Variants in PCSK5 observed in about 807,000 individuals in gnomAD.
PCSK5 encodes prohormone convertase 5.
Under a neutral mutation model 233.2 loss-of-function variants are expected in PCSK5, and 129 were observed. That is an observed-to-expected ratio of 0.55 (90% CI 0.48 to 0.64). The LOEUF (loss-of-function observed/expected upper bound fraction) is 0.64, where lower values mean the gene tolerates loss of function less well. PCSK5 is among the 30% of genes least tolerant of loss of function. PCSK5 has a pLI of 0.00. For missense variants in PCSK5, 2,076 were observed against 2,430.1 expected (o/e 0.85, Z 3.06); for synonymous variants, 825 against 879.2 (o/e 0.94, Z 1.09).
chr9:76,316,942 T>C (rs1829050354), intron 30 of PCSK5, among the ~76,000 whole-genome samples: 1 of 152,080 alleles, frequency 6.6e-6, no homozygotes, highest in Admixed American at 6.6e-5. Flanking sequence ...TTCTCTGTCA[T>C]GGTCAAAAAA....
At chr9:76,351,447 G>GAAAGGAAAGAAAGAAAGAAAGAAA (rs1491332963) in intron 36 of PCSK5, among the ~76,000 whole-genome samples, 8 of 27,472 alleles carry the variant, frequency 2.9e-4, no homozygotes, top group African/African-American at 8.7e-4. Context: ...GTGAAAGAAA[G>GAAAGGAAAGAAAGAAAGAAAGAAA]GAAAGAAAGA....
intron 33 of PCSK5, 127 bp downstream of exon 33, chr9:76,328,366 C>A: frequency 1.4e-6 from 1 of 691,310 alleles, no homozygotes; most frequent in Non-Finnish European, 2.5e-6. Flanking sequence ...GGGAAATGTT[C>A]AAACCTGCAG....
chr9:76,332,661 A>G (rs561300289), intron 34 of PCSK5, 51 bp downstream of exon 34: 7 of 1,307,876 alleles, frequency 5.4e-6, no homozygotes, highest in Middle Eastern at 3.7e-4. Context: ...CACAGCAGAT[A>G]TCAACCCATT....
intron 10 of PCSK5, among the ~76,000 whole-genome samples, chr9:76,149,422 C>A (rs1433127105): frequency 6.6e-6 from 1 of 152,122 alleles, no homozygotes; most frequent in Non-Finnish European, 1.5e-5. Flanking sequence ...ATTCTCTATT[C>A]CCTTATCTTA....
chr9:75,965,068 A>G (rs1202397744), intron 2 of PCSK5, among the ~76,000 whole-genome samples: 1 of 152,164 alleles, frequency 6.6e-6, no homozygotes, highest in Non-Finnish European at 1.5e-5. Context: ...TGCTTGTCAA[A>G]TGAAGGGTTT....
At chr9:76,309,190 C>A (rs868591390) in intron 29 of PCSK5, among the ~76,000 whole-genome samples, 3 of 152,116 alleles carry the variant, frequency 2.0e-5, no homozygotes, top group South Asian at 2.1e-4. Flanking sequence ...TGCACTCCAG[C>A]CTGGGTGACA....
chr9:76,271,697 G>A (rs1827518085), intron 24 of PCSK5, among the ~76,000 whole-genome samples: 1 of 152,108 alleles, frequency 6.6e-6, no homozygotes, highest in African/African-American at 2.4e-5. Context: ...AAAATGGATG[G>A]CTTACAACAA....
At chr9:76,351,464 GAAAGAAAGAAA>G (rs1830131062) in intron 36 of PCSK5, among the ~76,000 whole-genome samples, 1 of 42,400 alleles carries the variant, frequency 2.4e-5, no homozygotes, top group Non-Finnish European at 4.9e-5. Context: ...AAGAAAGAAA[GAAAGAAAGAAA>G]GAAAGAAAGA....
intron 2 of PCSK5, among the ~76,000 whole-genome samples, chr9:75,937,119 C>T (rs1824090021): frequency 6.6e-6 from 1 of 151,378 alleles, no homozygotes; most frequent in Non-Finnish European, 1.5e-5. Context: ...AACAGATGTG[C>T]TGTCATCCAG....
intron 8 of PCSK5, among the ~76,000 whole-genome samples, chr9:76,097,476 A>G (rs1831585640): frequency 6.6e-6 from 1 of 152,086 alleles, no homozygotes; most frequent in Non-Finnish European, 1.5e-5. Flanking sequence ...TATAGACAGC[A>G]CAAAGTCTGC....
chr9:75,990,263 G>A (rs994482126), intron 3 of PCSK5, among the ~76,000 whole-genome samples: 1 of 152,116 alleles, frequency 6.6e-6, no homozygotes, highest in East Asian at 1.9e-4. Flanking sequence ...CATTTCTGTC[G>A]TTCAATATTT....
At chr9:76,134,405 C>T (rs931518271) in intron 10 of PCSK5, among the ~76,000 whole-genome samples, 193 bp downstream of exon 10, 10 of 151,972 alleles carry the variant, frequency 6.6e-5, no homozygotes, top group Non-Finnish European at 1.0e-4. Context: ...AGGGAGATTT[C>T]TTTGGCTTCC....
intron 5 of PCSK5, among the ~76,000 whole-genome samples, chr9:76,038,176 A>G (rs1470748270): frequency 1.3e-5 from 2 of 152,064 alleles, no homozygotes; most frequent in Non-Finnish European, 2.9e-5. Context: ...TGCCTGTCCC[A>G]ATTACCATAT....
chr9:75,977,963 A>C lies in PCSK5; in HGVS notation c.298-8169A>C, dbSNP rs537855936. 3.3e-5 allele frequency among the ~76,000 whole-genome samples: 5 copies of C among 152,266 alleles called. No homozygotes were observed. The East Asian group carries it at 9.7e-4, about 30-fold the overall frequency. On this transcript the variant is annotated intron_variant, in intron 2 of 37. Transcript: ENST00000674117. ...CAGAGAAGGGGTCAATGAAACATTAAAAACATAGAATTATGTAAAGAAAGA... is the reference window on the plus strand; with the variant it reads ...CAGAGAAGGGGTCAATGAAACATTACAAACATAGAATTATGTAAAGAAAGA...
chr9:76,347,585 C>T (rs940389387), intron 35 of PCSK5, among the ~76,000 whole-genome samples: 1 of 151,984 alleles, frequency 6.6e-6, no homozygotes, highest in Non-Finnish European at 1.5e-5. Flanking sequence ...TATTGTTGGT[C>T]TTCTAGAAAA....
intron 30 of PCSK5, among the ~76,000 whole-genome samples, chr9:76,318,264 A>G (rs1178100811): frequency 6.6e-6 from 1 of 152,120 alleles, no homozygotes; most frequent in African/African-American, 2.4e-5. Flanking sequence ...GGAGTTGAAC[A>G]ATGAGAACAC....
At chr9:76,122,325 GT>G (rs1249092341) in intron 9 of PCSK5, among the ~76,000 whole-genome samples, 35 of 151,168 alleles carry the variant, frequency 2.3e-4, no homozygotes, top group African/African-American at 7.5e-4. Context: ...CTGAATCATG[GT>G]TCATTTATCT....
chr9:75,910,408 A>G (rs1258468351), intron 1 of PCSK5, among the ~76,000 whole-genome samples: 3 of 152,152 alleles, frequency 2.0e-5, no homozygotes, highest in Non-Finnish European at 2.9e-5. Flanking sequence ...TTGTTTGGAG[A>G]TTTGCATTTC....
At chr9:76,267,174 T>C (rs1175625255) in intron 24 of PCSK5, among the ~76,000 whole-genome samples, 2 of 152,130 alleles carry the variant, frequency 1.3e-5, no homozygotes, top group Non-Finnish European at 2.9e-5. Context: ...CCTTCTAAAA[T>C]GGAGCTCTTA....
Sources: allele counts gnomAD v4.1 joint callset (sites outside exome capture counted in the v4.1 genomes callset), GRCh38; gene constraint gnomAD v4.1.1; transcripts MANE v1.5; gene names NCBI Gene and HGNC (gene_info 2026-07-23, HGNC 2026-07-21).